Variants in TEF observed in about 807,000 individuals in gnomAD.
TEF encodes thyrotroph embryonic factor.
A neutral mutation model predicts 20.8 loss-of-function variants in TEF; 3 were observed. That is an observed-to-expected ratio of 0.14 (90% CI 0.07 to 0.37). The LOEUF is 0.37. TEF is among the 10% of genes least tolerant of loss of function. The pLI is 1.00. For synonymous variants in TEF, 180 were observed against 171.1 expected, an observed-to-expected ratio of 1.05 and a Z score of -0.41; for missense variants, 296 against 397.9, an observed-to-expected ratio of 0.74 and a Z score of 2.18.
intron 1 of TEF, among the ~76,000 whole-genome samples, chr22:41,383,578 G>C (rs2037061376): frequency 6.6e-6 from 1 of 152,170 alleles, no homozygotes; most frequent in African/African-American, 2.4e-5. Flanking sequence ...AGGTGAGGGT[G>C]CTTCCTCAAG....
Position 41,387,345 on chromosome 22 carries a change from C to G in TEF, c.158-6C>G, listed in dbSNP as rs1159030285. ...TGGTATTTCATCGCAGATTTTGTTT[C>G]TGCAGATAAGGAAAAGGGGAAGGAA... On this transcript the variant is annotated splice_region_variant and splice_polypyrimidine_tract_variant and intron_variant, in intron 1 of 3. Coordinates refer to ENST00000266304, the MANE Select transcript of TEF (RefSeq NM_003216.4). The G allele has an allele frequency of 1.2e-6, 2 of 1,613,896 alleles. No homozygotes were observed. The highest frequency in any genetic ancestry group is 3.3e-5 in the Admixed American group (2 of 60,008).
upstream of TEF, chr22:41,381,831 A>C: frequency 1.7e-6 from 2 of 1,187,160 alleles, no homozygotes; most frequent in African/African-American, 1.6e-5. Flanking sequence ...GGACCAATCC[A>C]GAGCAACGAT....
exon 1 of TEF, chr22:41,367,515 TTC>T (rs2036835479): frequency 6.5e-7 from 1 of 1,550,386 alleles, no homozygotes; most frequent in South Asian, 1.2e-5. Flanking sequence ...CTGCGACTGG[TTC>T]TCAGTGGCCC....
chr22:41,382,007 CG>C lies in TEF; in HGVS notation c.-33del, dbSNP rs1307229880. The C allele has an allele frequency of 8.2e-7, 1 of 1,226,730 alleles. No homozygotes were observed. The highest frequency in any genetic ancestry group is 3.2e-5 in the East Asian group (1 of 31,416). 76.0% of individuals were successfully genotyped at this position (1,226,730 alleles called of 1,614,324 possible). ...GCTCCGGCCCATCTCGGGGGGCGGG[CG>C]GGGGAGGCGAGGTGCGCGAGCCGAG... On this transcript the variant is annotated 5_prime_UTR_variant, in exon 1 of 4. Coordinates refer to ENST00000266304, the MANE Select transcript of TEF (RefSeq NM_003216.4).
chr22:41,378,976 T>C (rs1261956881), upstream of TEF, among the ~76,000 whole-genome samples: 1 of 152,234 alleles, frequency 6.6e-6, no homozygotes, highest in Non-Finnish European at 1.5e-5. Context: ...CAACCAGTTT[T>C]AGTAAAATTA....
chr22:41,367,592 G>A (rs1051393763), exon 1 of TEF: 3 of 1,551,366 alleles, frequency 1.9e-6, no homozygotes, highest in Non-Finnish European at 1.7e-6. Flanking sequence ...GGCCAGAGAA[G>A]AGAACAGGTA....
At chr22:41,371,503 C>G (rs2036882951) in intron 1 of TEF, among the ~76,000 whole-genome samples, 1 of 152,220 alleles carries the variant, frequency 6.6e-6, no homozygotes, top group African/African-American at 2.4e-5. Context: ...CCCCCTCTCT[C>G]TCCATCTCCA....
chr22:41,387,406 C>G lies in TEF; in HGVS notation c.213C>G (p.Thr71=). The change falls in exon 2 of 4, where the codon ACC becomes ACG. Residue 71 remains threonine, a synonymous_variant. Coordinates refer to ENST00000266304, the MANE Select transcript of TEF (RefSeq NM_003216.4). The part of the protein sequence containing the change: ...LEEDEAAAAS[T]MAVSASLMPP... Reference sequence around the variant, plus strand: ...AGGACGAGGCCGCAGCCGCCAGCACCATGGCTGTCTCAGCCTCCCTCATGC... The same window carrying G: ...AGGACGAGGCCGCAGCCGCCAGCACGATGGCTGTCTCAGCCTCCCTCATGC... 1 of 1,614,234 alleles carries G rather than the reference C, an allele frequency of 6.2e-7. No homozygotes were observed. Among genetic ancestry groups the G allele is most frequent in the Non-Finnish European group, 8.5e-7 (1 of 1,180,034 alleles).
chr22:41,383,115 A>C, intron 1 of TEF: 1 of 454,812 alleles, frequency 2.2e-6, no homozygotes, highest in Non-Finnish European at 4.6e-6. Context: ...AAGAGCCATC[A>C]GTTATTCAGG....
chr22:41,368,387 TG>T (rs1314222650), intron 1 of TEF, among the ~76,000 whole-genome samples: 1 of 152,130 alleles, frequency 6.6e-6, no homozygotes, highest in Non-Finnish European at 1.5e-5. Context: ...CTTGAGCACC[TG>T]GGGTGTCCTC....
chr22:41,369,629 G>A lies in TEF; in HGVS notation c.67+2030G>A, dbSNP rs946312732. Reference sequence around the variant, plus strand: ...CTCCAGACCATTTATAAACAGAAACGTCTACCTGAAAAGCAATAGACCTTG... The same window carrying A: ...CTCCAGACCATTTATAAACAGAAACATCTACCTGAAAAGCAATAGACCTTG... On this transcript the variant is annotated intron_variant, in intron 1 of 3. Coordinates refer to the TEF transcript ENST00000406644. Among the ~76,000 whole-genome samples the A allele has an allele frequency of 2.0e-5, 3 of 152,292 alleles. No homozygotes were observed. The East Asian group carries it at 5.8e-4, about 29-fold the overall frequency.
chr22:41,387,732 G>A, intron 2 of TEF, 64 bp downstream of exon 2: 5 of 1,491,424 alleles, frequency 3.4e-6, no homozygotes, highest in Non-Finnish European at 2.7e-6. Flanking sequence ...TCCCACTGAG[G>A]GCTGCTTGTG....
intron 1 of TEF, among the ~76,000 whole-genome samples, chr22:41,374,243 C>CA (rs2036914429): frequency 6.6e-6 from 1 of 151,412 alleles, no homozygotes; most frequent in South Asian, 2.1e-4. Context: ...CTGTCTCTAC[C>CA]AAAAAAATTA....
chr22:41,394,423 A>G, intron 3 of TEF, 107 bp downstream of exon 3: 2 of 1,094,354 alleles, frequency 1.8e-6, no homozygotes, highest in Non-Finnish European at 2.6e-6. Context: ...TCCTTGTGAC[A>G]CCATTTGGAA....
At chr22:41,373,479 T>C (rs1289308419) in intron 1 of TEF, among the ~76,000 whole-genome samples, 1 of 142,422 alleles carries the variant, frequency 7.0e-6, no homozygotes, top group Admixed American at 6.9e-5. Context: ...TATATTTTTC[T>C]TTTTTTTTTA....
upstream of TEF, among the ~76,000 whole-genome samples, chr22:41,381,482 C>T (rs2037021444): frequency 6.6e-6 from 1 of 152,292 alleles, no homozygotes; most frequent in Non-Finnish European, 1.5e-5. Flanking sequence ...AGCAGGAGCT[C>T]GGATAGGTCG....
intron 1 of TEF, among the ~76,000 whole-genome samples, chr22:41,376,039 G>C (rs2036937620): frequency 6.6e-6 from 1 of 152,112 alleles, no homozygotes; most frequent in Non-Finnish European, 1.5e-5. Context: ...CCAGAAAACA[G>C]AGTGGGACTG....
At position 41,397,222 on chromosome 22, in the gene TEF, G is replaced by T; in HGVS notation, c.*1262G>T. On this transcript the variant is annotated 3_prime_UTR_variant, in exon 4 of 4. Coordinates refer to ENST00000266304, the MANE Select transcript of TEF (RefSeq NM_003216.4). The stretch of plus-strand genomic sequence containing the variant: ...CTCAGTCTTGGTCCCAGGAGATGGG[G>T]GCCACTCGTGAGGCTGGCCATGCTG... The T allele has an allele frequency of 2.5e-6, 1 of 397,994 alleles. No homozygotes were observed. Among genetic ancestry groups the T allele is most frequent in the East Asian group, 3.6e-5 (1 of 28,064 alleles). The allele number at this position is 397,994 out of a possible 1,614,324, so 24.7% of individuals were successfully genotyped here. A position where few individuals can be genotyped will look rare whatever the true frequency, so the allele number is the denominator to read the frequency against.
intron 1 of TEF, among the ~76,000 whole-genome samples, chr22:41,370,384 A>AT (rs964521489): frequency 6.9e-6 from 1 of 144,122 alleles, no homozygotes; most frequent in African/African-American, 2.6e-5. Context: ...AAGTGCTGGG[A>AT]TTACAGGTGT....
Sources: allele counts gnomAD v4.1 joint callset (sites outside exome capture counted in the v4.1 genomes callset), GRCh38; gene constraint gnomAD v4.1.1; transcripts MANE v1.5; gene names NCBI Gene and HGNC (gene_info 2026-07-23, HGNC 2026-07-21).